The following GRID2 variants were observed in gnomAD, a reference collection of about 807,000 sequenced individuals.
The protein encoded by GRID2 is glutamate ionotropic receptor delta type subunit 2, also known as glutamate receptor ionotropic, delta-2.
A neutral mutation model predicts 114.8 loss-of-function variants in GRID2; 33 were observed. That is an observed-to-expected ratio of 0.29 (90% CI 0.22 to 0.38). The LOEUF (loss-of-function observed/expected upper bound fraction) is 0.38, where lower values mean the gene tolerates loss of function less well. GRID2 is among the 10% of genes least tolerant of loss of function. The pLI is 1.00. For synonymous variants in GRID2, 505 were observed against 449.9 expected (o/e 1.12, Z -1.55); for missense variants, 1,184 against 1,257.7 (o/e 0.94, Z 0.89).
At chr4:93,534,120 A>G (rs1731782825) in intron 13 of GRID2, among the ~76,000 whole-genome samples, 1 of 152,008 alleles carries the variant, frequency 6.6e-6, no homozygotes, top group Non-Finnish European at 1.5e-5. Context: ...TTTGAGTCTT[A>G]GTTCAATGTT....
intron 2 of GRID2, among the ~76,000 whole-genome samples, chr4:93,028,953 G>A (rs1348135263): frequency 6.6e-6 from 1 of 152,022 alleles, no homozygotes; most frequent in Non-Finnish European, 1.5e-5. Flanking sequence ...TACAAGCAGA[G>A]CAGGAGAATA....
intron 3 of GRID2, among the ~76,000 whole-genome samples, chr4:93,109,265 G>C (rs1028815671): frequency 6.6e-6 from 1 of 152,220 alleles, no homozygotes; most frequent in East Asian, 1.9e-4. Context: ...GTAACATCCT[G>C]AGTTTACCAC....
intron 2 of GRID2, among the ~76,000 whole-genome samples, chr4:92,721,482 T>C (rs1735806821): frequency 6.6e-6 from 1 of 151,990 alleles, no homozygotes; most frequent in Admixed American, 6.6e-5. Flanking sequence ...GAAAATAATA[T>C]ATTATTCTAA....
chr4:93,711,280 G>T (rs1728455853), intron 14 of GRID2, among the ~76,000 whole-genome samples: 1 of 152,110 alleles, frequency 6.6e-6, no homozygotes, highest in African/African-American at 2.4e-5. Context: ...GGGCTTTTTA[G>T]TCAGCAAGTG....
At chr4:92,789,379 C>G (rs1052411304) in intron 2 of GRID2, among the ~76,000 whole-genome samples, 4 of 151,836 alleles carry the variant, frequency 2.6e-5, no homozygotes, top group African/African-American at 9.7e-5. Flanking sequence ...AAGTGATTAT[C>G]TAGTCAAATA....
chr4:93,409,036 T>G (rs1247818713), intron 9 of GRID2, among the ~76,000 whole-genome samples: 1 of 152,026 alleles, frequency 6.6e-6, no homozygotes, highest in Non-Finnish European at 1.5e-5. Flanking sequence ...GGTAGCAAAA[T>G]AATTATGTAC....
chr4:93,747,701 T>C (rs1172358896), intron 14 of GRID2, among the ~76,000 whole-genome samples: 6 of 152,142 alleles, frequency 3.9e-5, no homozygotes, highest in Non-Finnish European at 7.4e-5. Context: ...TTTTAGTCAT[T>C]CAGTAAAATC....
intron 11 of GRID2, among the ~76,000 whole-genome samples, chr4:93,470,021 T>G (rs1724652273): frequency 6.6e-6 from 1 of 152,144 alleles, no homozygotes; most frequent in Non-Finnish European, 1.5e-5. Context: ...TTTTTCCTTC[T>G]GAGCTTGTAT....
At chr4:93,608,378 G>T (rs1740544394) in intron 13 of GRID2, among the ~76,000 whole-genome samples, 1 of 135,808 alleles carries the variant, frequency 7.4e-6, no homozygotes, top group Non-Finnish European at 1.6e-5. Context: ...AGTTACATAG[G>T]TATACATGTG....
intron 1 of GRID2, among the ~76,000 whole-genome samples, chr4:92,433,009 C>T (rs1384896460): frequency 1.3e-5 from 2 of 152,126 alleles, no homozygotes; most frequent in African/African-American, 4.8e-5. Context: ...AGCAGCTTTC[C>T]TTTTTGTTCA....
At chr4:93,224,989 A>G (rs1033058700) in intron 7 of GRID2, among the ~76,000 whole-genome samples, 7 of 150,474 alleles carry the variant, frequency 4.7e-5, no homozygotes, top group African/African-American at 1.5e-4. Flanking sequence ...TTAAGCAAGT[A>G]AAAAAAATTG....
intron 1 of GRID2, among the ~76,000 whole-genome samples, chr4:93,780,340 T>C (rs1411973755): frequency 1.3e-5 from 2 of 152,148 alleles, no homozygotes; most frequent in Non-Finnish European, 2.9e-5. Flanking sequence ...GGTGAGAATG[T>C]CCTGGGCATG....
chr4:93,721,435 T>C lies in GRID2; in HGVS notation c.2361-47775T>C, dbSNP rs1335027927. On this transcript the variant is annotated intron_variant, in intron 14 of 15. Coordinates refer to ENST00000282020, the MANE Select transcript of GRID2 (RefSeq NM_001510.4). Reference sequence around the variant, plus strand: ...TTTTTATATTTCAGGAATGTCTAGGTTAACAAAAGCTAAATATTCAGATGT... The same window carrying C: ...TTTTTATATTTCAGGAATGTCTAGGCTAACAAAAGCTAAATATTCAGATGT... 6.6e-5 allele frequency among the ~76,000 whole-genome samples: 10 copies of C among 152,190 alleles called. No homozygotes were observed. In the South Asian group the frequency reaches 1.9e-3, roughly 28 times the overall value.
At chr4:92,384,564 A>T (rs1213644439) in intron 1 of GRID2, among the ~76,000 whole-genome samples, 1 of 73,552 alleles carries the variant, frequency 1.4e-5, no homozygotes, top group Non-Finnish European at 2.4e-5. Flanking sequence ...ATTATATATA[A>T]TATAATATAT....
chr4:93,525,629 A>AT (rs763986756), intron 13 of GRID2, among the ~76,000 whole-genome samples: 19 of 152,244 alleles, frequency 1.2e-4, no homozygotes, highest in Admixed American at 8.5e-4. Flanking sequence ...TAATTCTAAG[A>AT]TTTTTTCTGG....
chr4:92,684,768 A>G (rs1733820192), intron 2 of GRID2, among the ~76,000 whole-genome samples: 1 of 152,090 alleles, frequency 6.6e-6, no homozygotes, highest in Admixed American at 6.5e-5. Context: ...TAATGAAGCC[A>G]AGGAAATAAG....
Position 92,718,542 on chromosome 4 carries a change from T to C in GRID2, c.244+128256T>C, listed in dbSNP as rs1294609576. ...AATTTGGGAGGCTGAGGCAGGACGA[T>C]TATTTGAGGCCAGGAGCTCAAGACC... On this transcript the variant is annotated intron_variant, in intron 2 of 15. Coordinates refer to ENST00000282020, the MANE Select transcript of GRID2 (RefSeq NM_001510.4). Among the ~76,000 whole-genome samples the C allele has an allele frequency of 2.6e-5, 4 of 152,140 alleles. No individual in the cohort carries two copies. The South Asian group carries it at 6.2e-4, about 24-fold the overall frequency.
At chr4:92,368,894 A>G (rs1728991443) in intron 1 of GRID2, among the ~76,000 whole-genome samples, 1 of 151,700 alleles carries the variant, frequency 6.6e-6, no homozygotes, top group African/African-American at 2.4e-5. Flanking sequence ...ATGTAGCTAC[A>G]GATTTATGCT....
intron 13 of GRID2, among the ~76,000 whole-genome samples, chr4:93,551,445 C>T (rs1733743809): frequency 6.6e-6 from 1 of 152,050 alleles, no homozygotes; most frequent in Non-Finnish European, 1.5e-5. Flanking sequence ...AGAAAAGGCC[C>T]TGAAGTGAGA....
Sources: allele counts gnomAD v4.1 joint callset (sites outside exome capture counted in the v4.1 genomes callset), GRCh38; gene constraint gnomAD v4.1.1; transcripts MANE v1.5; gene names NCBI Gene and HGNC (gene_info 2026-07-23, HGNC 2026-07-21).